UTP4: variants seen among roughly 807,000 people sequenced by gnomAD.
UTP4 encodes the protein UTP4 small subunit processome component.
In UTP4, 45 loss-of-function variants were observed where a neutral mutation model predicts 82.4. That is an observed-to-expected ratio of 0.55 (90% confidence interval 0.43 to 0.70). The LOEUF is 0.70. Among genes scored for constraint, UTP4 ranks in the 30% least tolerant of loss-of-function variants. The pLI, the probability that UTP4 is intolerant of heterozygous loss-of-function variation, is 0.00. For missense variants in UTP4, 819 were observed against 858.3 expected, an observed-to-expected ratio of 0.95 and a Z score of 0.57; for synonymous variants, 348 against 300.3, an observed-to-expected ratio of 1.16 and a Z score of -1.64.
Position 69,136,896 on chromosome 16 carries a change from G to T in UTP4, c.351+9G>T. 1 of 1,613,886 alleles carries T rather than the reference G, an allele frequency of 6.2e-7. No homozygotes were observed. The highest frequency in any genetic ancestry group is 2.2e-5 in the East Asian group (1 of 44,890). On this transcript the variant is annotated intron_variant, in intron 3 of 16. Coordinates refer to ENST00000314423, the MANE Select transcript of UTP4 (RefSeq NM_032830.3). ...GTGGCTCTCAACTTTTGGTTAGTAA[G>T]CAACTATTGGTAATTCAAACCAAAA...
At chr16:69,134,289 C>T (rs1962746038) in intron 2 of UTP4, among the ~76,000 whole-genome samples, 2 of 151,314 alleles carry the variant, frequency 1.3e-5, no homozygotes, top group East Asian at 2.0e-4. Context: ...GAATTCAGTG[C>T]CCAGCAGCCT....
chr16:69,143,254 C>T lies in UTP4; in HGVS notation c.603C>T (p.Val201=), dbSNP rs1370035402. 5 of 1,614,012 alleles carry T rather than the reference C, an allele frequency of 3.1e-6. No individual in the cohort carries two copies. Among genetic ancestry groups the T allele is most frequent in the East Asian group, 2.2e-5 (1 of 44,890 alleles). The change falls in exon 6 of 17, where the codon GTC becomes GTT. Residue 201 remains valine, a synonymous_variant. Transcript: ENST00000314423. ...AGCGGAAGTGCATCGTGTGGGGTGT[C>T]GCCTTCTTGTCCGATGGCACTATCA... The part of the protein sequence containing the change: ...VSKRKCIVWG[V]AFLSDGTIIS...
chr16:69,137,026 G>C, intron 3 of UTP4, 139 bp downstream of exon 3: 1 of 783,074 alleles, frequency 1.3e-6, no homozygotes, highest in Non-Finnish European at 2.3e-6. Context: ...TGATAGTGAA[G>C]ATTTTAAAAA....
intron 14 of UTP4, among the ~76,000 whole-genome samples, chr16:69,164,225 C>T (rs1480985519): frequency 6.6e-6 from 1 of 151,946 alleles, no homozygotes; most frequent in Non-Finnish European, 1.5e-5. Context: ...CACACACTGT[C>T]CAAAAAGTGA....
intron 6 of UTP4, among the ~76,000 whole-genome samples, chr16:69,144,113 C>T (rs1597137906): frequency 6.6e-6 from 1 of 150,510 alleles, no homozygotes; most frequent in Admixed American, 6.6e-5. Flanking sequence ...GTCTCGAACT[C>T]CTGACCTCAG....
chr16:69,163,929 A>G (rs982175288), intron 14 of UTP4, among the ~76,000 whole-genome samples: 1 of 130,440 alleles, frequency 7.7e-6, no homozygotes, highest in Non-Finnish European at 1.5e-5. Flanking sequence ...TCTGTCGCCC[A>G]GGCTGGAGTG....
intron 12 of UTP4, among the ~76,000 whole-genome samples, chr16:69,157,747 A>G (rs576349272): frequency 2.0e-5 from 3 of 151,544 alleles, no homozygotes; most frequent in South Asian, 2.1e-4. Flanking sequence ...GACACTCACC[A>G]CTATGCCCAG....
At chr16:69,166,919 G>T in intron 15 of UTP4, 156 bp from the exon 16 acceptor site, 1 of 630,668 alleles carries the variant, frequency 1.6e-6, no homozygotes, top group Non-Finnish European at 2.8e-6. Flanking sequence ...AGGTATTATG[G>T]CTACAGCTGT....
At chr16:69,168,186 C>G (rs975372341) in intron 16 of UTP4, among the ~76,000 whole-genome samples, 3 of 151,884 alleles carry the variant, frequency 2.0e-5, no homozygotes, top group African/African-American at 7.3e-5. Flanking sequence ...CCTGTAATCC[C>G]AGCACTTTGG....
In UTP4 at chr16:69,154,407, A is replaced by G; in HGVS notation, c.1114A>G (p.Thr372Ala). 6.2e-7 allele frequency: 1 copy of G among 1,611,610 alleles called. No homozygotes were observed. Among genetic ancestry groups the G allele is most frequent in the South Asian group, 1.1e-5 (1 of 90,922 alleles). Reference protein sequence around the residue: ...STVATGKNGDTLPLSKNADHL... With the variant: ...STVATGKNGDALPLSKNADHL... ...TCTTGTTTCAGGCAAGAATGGGGAT[A>G]CTCTTCCACTCTCTAAAAATGCAGA... The change falls in exon 10 of 17, where the codon ACT becomes GCT. Residue 372 changes from threonine to alanine, a missense_variant. Thr to Ala is a moderately conservative substitution (Grantham distance 58). Transcript: ENST00000314423.
chr16:69,151,173 A>G (rs1963253361), intron 8 of UTP4, among the ~76,000 whole-genome samples: 1 of 151,480 alleles, frequency 6.6e-6, no homozygotes, highest in Non-Finnish European at 1.5e-5. Context: ...CGCTCAGCTA[A>G]TTTTATATCT....
At chr16:69,137,162 TTTTGG>T (rs1201436940) in intron 3 of UTP4, among the ~76,000 whole-genome samples, 1 of 152,212 alleles carries the variant, frequency 6.6e-6, no homozygotes, top group Non-Finnish European at 1.5e-5. Flanking sequence ...GGTTTTTTTG[TTTTGG>T]TTTGTTTTGT....
At chr16:69,166,756 C>A (rs188511895) in intron 15 of UTP4, 18 of 339,766 alleles carry the variant, frequency 5.3e-5, no homozygotes, top group Non-Finnish European at 9.9e-5. Context: ...GGCCAGAAGC[C>A]GCAGAAGGGC....
intron 2 of UTP4, among the ~76,000 whole-genome samples, chr16:69,136,186 A>G (rs1438360444): frequency 1.3e-5 from 2 of 152,190 alleles, no homozygotes; most frequent in Non-Finnish European, 2.9e-5. Context: ...ATACCTACTT[A>G]GTTCCTTTTT....
chr16:69,143,437 T>C lies in UTP4; in HGVS notation c.738+48T>C, dbSNP rs756863230. 7 of 1,554,104 alleles carry C rather than the reference T, an allele frequency of 4.5e-6. No homozygotes were observed. In the Admixed American group the frequency reaches 1.2e-4, roughly 26 times the overall value. ...GTGGTTGATGTACACCCTTGTGGGG[T>C]GAGTTGAGAAAGCAGCCTTAGTGAC... On this transcript the variant is annotated intron_variant, in intron 6 of 16. Coordinates refer to ENST00000314423, the MANE Select transcript of UTP4 (RefSeq NM_032830.3).
Position 69,154,492 on chromosome 16 carries a change from C to G in UTP4, c.1164+35C>G, listed in dbSNP as rs77012617. On this transcript the variant is annotated intron_variant, in intron 10 of 16. Coordinates refer to ENST00000314423, the MANE Select transcript of UTP4 (RefSeq NM_032830.3). ...TTTGTTTAGGCTCTGAATTCTAGAG[C>G]CTGAATTCTAGGCTCATAATTCCCA... 3.6e-3 allele frequency: 5,218 copies of G among 1,455,954 alleles called. 145 individuals carry two copies. In the African/African-American group the frequency reaches 0.064, roughly 18 times the overall value. The allele number at this position is 1,455,954 out of a possible 1,614,324, so 90.2% of individuals were successfully genotyped here. A position where few individuals can be genotyped will look rare whatever the true frequency, so the allele number is the denominator to read the frequency against.
chr16:69,151,386 G>A (rs1216780045), intron 8 of UTP4, among the ~76,000 whole-genome samples: 2 of 147,652 alleles, frequency 1.4e-5, no homozygotes, highest in Admixed American at 6.8e-5. Flanking sequence ...GCAGTGGTGC[G>A]ACTCCACTCA....
chr16:69,166,263 T>C, intron 15 of UTP4: 1 of 156,148 alleles, frequency 6.4e-6, no homozygotes, highest in South Asian at 2.0e-4. Flanking sequence ...AAGGTGGGGG[T>C]GGAAGGAACA....
intron 11 of UTP4, among the ~76,000 whole-genome samples, chr16:69,156,338 A>G (rs1311052153): frequency 6.6e-6 from 1 of 151,758 alleles, no homozygotes; most frequent in Non-Finnish European, 1.5e-5. Flanking sequence ...TATTTTTAGT[A>G]GAGATGGAGT....
Sources: gnomAD v4.1 joint callset for allele counts (sites outside exome capture counted in the v4.1 genomes callset) on GRCh38, gnomAD v4.1.1 for gene constraint, MANE v1.5 for transcripts, NCBI Gene and HGNC (gene_info 2026-07-23, HGNC 2026-07-21) for gene names.